Variants in MBD5 observed in about 807,000 individuals in gnomAD.
The protein encoded by MBD5 is methyl-CpG binding domain protein 5, also known as methyl-CpG-binding domain protein 5.
A neutral mutation model predicts 117.3 loss-of-function variants in MBD5; 13 were observed. That is an observed-to-expected ratio of 0.11 (90% CI 0.07 to 0.18). The LOEUF (loss-of-function observed/expected upper bound fraction) is 0.18. MBD5 is among the 10% of genes least tolerant of loss of function. The pLI is 1.00. For synonymous variants in MBD5, 727 were observed against 766.4 expected, an observed-to-expected ratio of 0.95 and a Z score of 0.85; for missense variants, 1,879 against 2,093.8, an observed-to-expected ratio of 0.90 and a Z score of 2.00.
At chr2:148,507,631 T>A (rs761633847) in intron 12 of MBD5, among the ~76,000 whole-genome samples, 1 of 151,680 alleles carries the variant, frequency 6.6e-6, no homozygotes, top group Non-Finnish European at 1.5e-5. Context: ...CGGTGGCGGG[T>A]GCCTGTAGTC....
At chr2:148,485,577 A>C (rs757956901) in intron 9 of MBD5, 165 bp from the exon 10 acceptor site, 3 of 624,718 alleles carry the variant, frequency 4.8e-6, no homozygotes, top group South Asian at 2.0e-5. Context: ...TAATAAAGCT[A>C]CTCTTTCCTT....
chr2:148,408,780 A>G (rs1705159366), intron 4 of MBD5, among the ~76,000 whole-genome samples: 1 of 152,134 alleles, frequency 6.6e-6, no homozygotes, highest in Non-Finnish European at 1.5e-5. Context: ...ATGGATCAAA[A>G]ATATTTGGAA....
intron 3 of MBD5, among the ~76,000 whole-genome samples, chr2:148,319,182 A>G (rs1050937269): frequency 6.6e-6 from 1 of 152,174 alleles, no homozygotes; most frequent in Non-Finnish European, 1.5e-5. Context: ...GAGTCAGGTC[A>G]TGTGACATCT....
At chr2:148,254,439 C>T (rs1218231695) in intron 3 of MBD5, among the ~76,000 whole-genome samples, 1 of 152,130 alleles carries the variant, frequency 6.6e-6, no homozygotes, top group African/African-American at 2.4e-5. Flanking sequence ...AGAACAGTAA[C>T]TTGTACTTCT....
intron 1 of MBD5, among the ~76,000 whole-genome samples, chr2:148,068,303 A>G (rs540064632): frequency 6.6e-6 from 1 of 152,186 alleles, no homozygotes; most frequent in African/African-American, 2.4e-5. Context: ...ACTCACATGC[A>G]TTAGTTCTTG....
intron 3 of MBD5, among the ~76,000 whole-genome samples, chr2:148,304,489 C>G (rs1224976635): frequency 1.3e-5 from 2 of 152,156 alleles, no homozygotes; most frequent in Admixed American, 1.3e-4. Flanking sequence ...ATACCAACAT[C>G]CTTAATAAAG....
chr2:148,174,782 CAA>C (rs55950137), intron 1 of MBD5, among the ~76,000 whole-genome samples: 93 of 147,228 alleles, frequency 6.3e-4, no homozygotes, highest in South Asian at 1.3e-3. Context: ...TGACCATTAC[CAA>C]AAAAAAAAAA....
intron 4 of MBD5, among the ~76,000 whole-genome samples, chr2:148,428,239 T>C (rs1705868358): frequency 6.6e-6 from 1 of 152,120 alleles, no homozygotes; most frequent in Non-Finnish European, 1.5e-5. Flanking sequence ...TGAACTCCCA[T>C]TCACAATTGC....
intron 1 of MBD5, among the ~76,000 whole-genome samples, chr2:148,154,803 A>T (rs554351312): frequency 6.6e-6 from 1 of 152,102 alleles, no homozygotes. Flanking sequence ...CGCACGGTGC[A>T]CACACCCACT....
chr2:148,074,507 G>GTTTTTTTTTTTTTTTTTTTTTTTTTGT (rs11443189), intron 1 of MBD5, among the ~76,000 whole-genome samples: 4 of 113,772 alleles, frequency 3.5e-5, no homozygotes, highest in Admixed American at 9.9e-5. Flanking sequence ...TTTTTTTTTT[G>GTTTTTTTTTTTTTTTTTTTTTTTTTGT]TTTTTTTTTT....
chr2:148,046,772 C>T (rs1694546838), intron 1 of MBD5, among the ~76,000 whole-genome samples: 2 of 152,262 alleles, frequency 1.3e-5, no homozygotes, highest in South Asian at 2.1e-4. Context: ...GTACTCTGGG[C>T]CATATTCTGT....
intron 1 of MBD5, among the ~76,000 whole-genome samples, chr2:148,120,588 T>C (rs1309249924): frequency 1.3e-5 from 2 of 152,242 alleles, no homozygotes; most frequent in Non-Finnish European, 2.9e-5. Context: ...CAACTGTTTA[T>C]TGCTAGTGTG....
intron 11 of MBD5, among the ~76,000 whole-genome samples, chr2:148,498,177 T>C (rs1681760418): frequency 6.6e-6 from 1 of 152,236 alleles, no homozygotes; most frequent in Non-Finnish European, 1.5e-5. Context: ...AGATCGATGA[T>C]GTGGCTAGTG....
At chr2:148,188,907 G>A (rs1051025301) in intron 2 of MBD5, among the ~76,000 whole-genome samples, 18 of 151,804 alleles carry the variant, frequency 1.2e-4, no homozygotes, top group African/African-American at 3.9e-4. Flanking sequence ...TGCGCACCGT[G>A]CGCGAGCCGA....
rs979661200 is a variant in MBD5 at position 148,197,802 on chromosome 2, T to TTG, written c.-831+19010_-831+19011insGT. On this transcript the variant is annotated intron_variant, in intron 2 of 13. Coordinates refer to ENST00000642680, the MANE Select transcript of MBD5 (RefSeq NM_001378120.1). ...GTGTCATAGCATCTGAGGTTTTTTTTTTTGTTTTTTTTTTTGTTTTTTTTT... is the reference window on the plus strand; with the variant it reads ...GTGTCATAGCATCTGAGGTTTTTTTTTGTTTGTTTTTTTTTTTGTTTTTTTTT... Among the ~76,000 whole-genome samples the TTG allele has an allele frequency of 5.8e-4, 77 of 131,634 alleles. 2 individuals are homozygous for TTG. The highest frequency in any genetic ancestry group is 1.5e-3 in the African/African-American group (53 of 36,212). 86.4% of individuals were successfully genotyped at this position (131,634 alleles called of 152,430 possible). A position where few individuals can be genotyped will look rare whatever the true frequency, so the allele number is the denominator to read the frequency against.
intron 1 of MBD5, among the ~76,000 whole-genome samples, chr2:148,152,823 A>C (rs868472969): frequency 7.6e-4 from 115 of 151,748 alleles, no homozygotes; most frequent in East Asian, 1.2e-3. Flanking sequence ...TATTTTGAGC[A>C]TATGTGTGTC....
intron 1 of MBD5, among the ~76,000 whole-genome samples, chr2:148,024,482 C>A (rs1044354783): frequency 1.3e-5 from 2 of 152,176 alleles, no homozygotes; most frequent in African/African-American, 4.8e-5. Flanking sequence ...ACTCTTGGCA[C>A]AATATCTGGT....
At chr2:148,396,520 T>C (rs35997635) in intron 4 of MBD5, among the ~76,000 whole-genome samples, 79,738 of 152,058 alleles carry the variant, frequency 0.52, 21,139 homozygotes, top group East Asian at 0.75. Context: ...ACCTACTACT[T>C]TTTTTATTCT....
intron 11 of MBD5, among the ~76,000 whole-genome samples, chr2:148,497,647 T>C (rs1681742137): frequency 6.6e-6 from 1 of 151,992 alleles, no homozygotes; most frequent in Non-Finnish European, 1.5e-5. Flanking sequence ...ATGCCAGGCA[T>C]GGTGGTGCAC....
Sources: gnomAD v4.1 joint callset for allele counts (sites outside exome capture counted in the v4.1 genomes callset) on GRCh38, gnomAD v4.1.1 for gene constraint, MANE v1.5 for transcripts, NCBI Gene and HGNC (gene_info 2026-07-23, HGNC 2026-07-21) for gene names.